TLE1: variants seen among roughly 807,000 people sequenced by gnomAD.
TLE1 encodes transducin-like enhancer protein 1.
TLE1 carries 21 observed loss-of-function variants against 89.8 expected under a neutral mutation model. The observed-to-expected ratio is 0.23, with a 90% CI of 0.17 to 0.34. The LOEUF is 0.34. Among genes scored for constraint, TLE1 ranks in the 10% least tolerant of loss-of-function variants. TLE1 has a pLI of 1.00. For synonymous variants in TLE1, 447 were observed against 407.6 expected (o/e 1.10, Z -1.16); for missense variants, 795 against 1,031.2 (o/e 0.77, Z 3.14).
intron 16 of TLE1, 154 bp downstream of exon 16, chr9:81,590,651 A>C: frequency 7.4e-7 from 1 of 1,357,610 alleles, no homozygotes; most frequent in Non-Finnish European, 1.0e-6. Flanking sequence ...CAAAGGCAGC[A>C]ACACAGTTGT....
intron 4 of TLE1, among the ~76,000 whole-genome samples, chr9:81,662,361 TTGTGTGTG>T (rs371936084): frequency 0.03 from 4,093 of 138,436 alleles, 133 homozygotes; most frequent in South Asian, 0.072. Context: ...TGTGCCTGTT[TTGTGTGTG>T]TGTGTGTGTG....
chr9:81,653,865 A>T (rs1829850997), intron 5 of TLE1, 109 bp downstream of exon 5: 1 of 968,216 alleles, frequency 1.0e-6, no homozygotes, highest in African/African-American at 1.6e-5. Flanking sequence ...GCTGTAACAG[A>T]TGTTCTTCAC....
At chr9:81,633,303 G>A in intron 8 of TLE1, 45 bp downstream of exon 8, 1 of 1,419,996 alleles carries the variant, frequency 7.0e-7, no homozygotes, top group Non-Finnish European at 9.4e-7. Flanking sequence ...GTGTGTGTGT[G>A]TGTGTGTGTG....
intron 4 of TLE1, among the ~76,000 whole-genome samples, chr9:81,679,823 T>G (rs1229899309): frequency 1.3e-5 from 2 of 152,146 alleles, no homozygotes; most frequent in African/African-American, 4.8e-5. Flanking sequence ...GCCAGTAAGT[T>G]TCTCAGTTTC....
chr9:81,666,719 G>A (rs1831508411), intron 4 of TLE1, among the ~76,000 whole-genome samples: 1 of 151,790 alleles, frequency 6.6e-6, no homozygotes, highest in African/African-American at 2.4e-5. Context: ...AGGTTGCAAT[G>A]AGCCAAGATC....
chr9:81,643,871 T>C (rs117353257), intron 6 of TLE1, among the ~76,000 whole-genome samples: 19 of 152,206 alleles, frequency 1.2e-4, no homozygotes, highest in South Asian at 4.1e-4. Context: ...CTAATCCACA[T>C]AGGCCAACTC....
intron 4 of TLE1, among the ~76,000 whole-genome samples, chr9:81,680,084 G>A (rs571923079): frequency 6.6e-6 from 1 of 152,206 alleles, no homozygotes; most frequent in Non-Finnish European, 1.5e-5. Context: ...GCACGCACGA[G>A]GTGCTGGGTT....
intron 9 of TLE1, among the ~76,000 whole-genome samples, chr9:81,619,603 G>C (rs1824979195): frequency 6.6e-6 from 1 of 152,182 alleles, no homozygotes; most frequent in African/African-American, 2.4e-5. Flanking sequence ...TCCTGCAAGG[G>C]CATCAGGGAC....
At position 81,637,755 on chromosome 9, in the gene TLE1, T is replaced by A. The variant is rs116599924; in HGVS notation, c.373-3454A>T. On this transcript the variant is annotated intron_variant, in intron 6 of 19. Coordinates refer to ENST00000376499, the MANE Select transcript of TLE1 (RefSeq NM_005077.5). ...GTCGTGATTCTAGGAAATGTGGCCA[T>A]TCCACCTCATATTCGACTTCTTGTT... Among the ~76,000 whole-genome samples the A allele has an allele frequency of 6.3e-3, 956 of 151,716 alleles. 16 individuals are homozygous for A. Among genetic ancestry groups the A allele is most frequent in the African/African-American group, 0.022 (908 of 41,382 alleles).
intron 14 of TLE1, among the ~76,000 whole-genome samples, chr9:81,600,870 T>A (rs1310537263): frequency 6.6e-6 from 1 of 152,170 alleles, no homozygotes; most frequent in Admixed American, 6.5e-5. Context: ...GAGGAGCAAG[T>A]GTGCCCTTCA....
intron 6 of TLE1, among the ~76,000 whole-genome samples, chr9:81,644,250 C>T (rs1214791743): frequency 6.6e-6 from 1 of 152,072 alleles, no homozygotes; most frequent in Non-Finnish European, 1.5e-5. Context: ...AGAAAACATG[C>T]CCACACAAAA....
intron 4 of TLE1, among the ~76,000 whole-genome samples, chr9:81,679,104 C>T (rs1038897969): frequency 1.3e-5 from 2 of 152,020 alleles, no homozygotes; most frequent in African/African-American, 2.4e-5. Context: ...ACCAAGATTG[C>T]GCTACTATAC....
chr9:81,647,132 T>G (rs1295723176), intron 6 of TLE1, among the ~76,000 whole-genome samples: 1 of 152,176 alleles, frequency 6.6e-6, no homozygotes, highest in African/African-American at 2.4e-5. Flanking sequence ...GCTCAAATTT[T>G]CTTGCACCCA....
rs1186097077 is a variant in TLE1, at chr9:81,652,195, G to A, written c.372+19C>T. The A allele has an allele frequency of 1.2e-6, 2 of 1,612,976 alleles. No homozygotes were observed. Among genetic ancestry groups the A allele is most frequent in the African/African-American group, 1.3e-5 (1 of 74,698 alleles). ...CTGGTTATACACACTGTAGGAGGTAGACCTGGTAGGCCACGTACCCCGATG... is the reference window on the plus strand; with the variant it reads ...CTGGTTATACACACTGTAGGAGGTAAACCTGGTAGGCCACGTACCCCGATG... On this transcript the variant is annotated intron_variant, in intron 6 of 19. Coordinates refer to ENST00000376499, the MANE Select transcript of TLE1 (RefSeq NM_005077.5).
chr9:81,592,023 G>C (rs1162932057), intron 15 of TLE1, among the ~76,000 whole-genome samples: 1 of 152,192 alleles, frequency 6.6e-6, no homozygotes, highest in Non-Finnish European at 1.5e-5. Flanking sequence ...TCTGCTTAAG[G>C]CCAGTGGTAT....
At chr9:81,623,617 TAAAAAAAAAA>T (rs751545706) in intron 8 of TLE1, among the ~76,000 whole-genome samples, 1 of 44,518 alleles carries the variant, frequency 2.2e-5, no homozygotes, top group Non-Finnish European at 4.1e-5. Flanking sequence ...CATCTGTACT[TAAAAAAAAAA>T]AAAAAAAAAA....
At chr9:81,642,033 G>GA (rs1401995308) in intron 6 of TLE1, among the ~76,000 whole-genome samples, 1 of 138,946 alleles carries the variant, frequency 7.2e-6, no homozygotes, top group African/African-American at 3.4e-5. Context: ...CAAAAAAAAA[G>GA]AAAGAAAGAA....
At chr9:81,623,489 G>T (rs1448698507) in intron 8 of TLE1, among the ~76,000 whole-genome samples, 1 of 151,932 alleles carries the variant, frequency 6.6e-6, no homozygotes, top group African/African-American at 2.4e-5. Flanking sequence ...ATTTGAAAAT[G>T]GTCATGAGGC....
At chr9:81,662,046 G>A (rs1176123684) in intron 4 of TLE1, among the ~76,000 whole-genome samples, 2 of 152,142 alleles carry the variant, frequency 1.3e-5, no homozygotes, top group Non-Finnish European at 2.9e-5. Context: ...TAAGGAAATA[G>A]TTCAAATGAA....
Sources: gnomAD v4.1 joint callset for allele counts (sites outside exome capture counted in the v4.1 genomes callset) on GRCh38, gnomAD v4.1.1 for gene constraint, MANE v1.5 for transcripts, NCBI Gene and HGNC (gene_info 2026-07-23, HGNC 2026-07-21) for gene names.